CCT4: variants seen among roughly 807,000 people sequenced by gnomAD.
CCT4 encodes T-complex protein 1 subunit delta.
In CCT4, 17 loss-of-function variants were observed where a neutral mutation model predicts 62.5. The observed-to-expected ratio is 0.27, with a 90% CI of 0.19 to 0.41. The LOEUF (loss-of-function observed/expected upper bound fraction) is 0.41. CCT4 is among the 10% of genes least tolerant of loss of function. The pLI is 1.00. For missense variants in CCT4, 592 were observed against 659.2 expected (o/e 0.90, Z 1.12); for synonymous variants, 250 against 229.9 (o/e 1.09, Z -0.79).
rs762811515 is a variant in CCT4 at position 61,878,958 on chromosome 2, T to C, written c.433A>G (p.Ile145Val). ...ESFQKALEKG[I>V]EILTDMSRPV... ...CGAGACATGTCAGTCAAGATTTCAA[T>C]GCCCTTTTCCAGGGCCTTCTGGAAT... The change falls in exon 5 of 14, where the codon ATT (isoleucine) becomes GTT (valine). Residue 145 changes from isoleucine (I) to valine (V), a missense_variant. Around this residue, in one of 3 missense-constraint regions of CCT4, gnomAD observed 522 missense variants for 571.2 expected, o/e 0.91. Coordinates refer to ENST00000394440, the MANE Select transcript of CCT4 (RefSeq NM_006430.4). 34 of 1,610,934 alleles carry C rather than the reference T, an allele frequency of 2.1e-5. No homozygotes were observed. The Admixed American group carries it at 5.1e-4, about 24-fold the overall frequency.
intron 3 of CCT4, among the ~76,000 whole-genome samples, chr2:61,881,511 CCA>C (rs1489018082): frequency 6.6e-6 from 1 of 151,906 alleles, no homozygotes; most frequent in Non-Finnish European, 1.5e-5. Flanking sequence ...CTCAATAGTA[CCA>C]CATACTATTT....
rs1256074833 is a variant in CCT4, at chr2:61,869,584, A to G, written c.1492-31T>C. 5 of 1,257,446 alleles carry G rather than the reference A, an allele frequency of 4.0e-6. No individual in the cohort carries two copies. The East Asian group carries it at 6.9e-5, about 17-fold the overall frequency. The allele number at this position is 1,257,446 out of a possible 1,614,324, so 77.9% of individuals were successfully genotyped here. A position where few individuals can be genotyped will look rare whatever the true frequency, so the allele number is the denominator to read the frequency against. On this transcript the variant is annotated intron_variant, in intron 12 of 13. Transcript: ENST00000394440. Reference sequence around the variant, plus strand: ...AATCAAATCAGCACAAGTTGCTTTTAGTGTCTGTGATAATACACATCAGCA... The same window carrying G: ...AATCAAATCAGCACAAGTTGCTTTTGGTGTCTGTGATAATACACATCAGCA...
chr2:61,881,117 A>C (rs1669101648), intron 3 of CCT4, among the ~76,000 whole-genome samples: 1 of 152,138 alleles, frequency 6.6e-6, no homozygotes, highest in Non-Finnish European at 1.5e-5. Flanking sequence ...TCTTTTCATA[A>C]CTGGTGGATG....
intron 6 of CCT4, 127 bp downstream of exon 6, chr2:61,877,266 C>T (rs933263055): frequency 4.2e-5 from 44 of 1,052,196 alleles, no homozygotes; most frequent in South Asian, 3.9e-4. Context: ...AATACAAATT[C>T]TCACGAAAAC....
At position 61,885,092 on chromosome 2, in the gene CCT4, A is replaced by AG. The variant is rs747251201; in HGVS notation, c.128-21_128-20insC. 3 of 1,523,794 alleles carry AG rather than the reference A, an allele frequency of 2.0e-6. No homozygotes were observed. The highest frequency in any genetic ancestry group is 2.6e-5 in the South Asian group (2 of 77,470). The allele number at this position is 1,523,794 out of a possible 1,614,324, so 94.4% of individuals were successfully genotyped here. ...CAACCGCTGCAGATGGGGGGGAAAA[A>AG]AAAGAAAACAAATTAGAACTTTTTT... is the stretch of plus-strand genomic sequence containing the variant. On this transcript the variant is annotated intron_variant, in intron 1 of 13. Coordinates refer to ENST00000394440, the MANE Select transcript of CCT4 (RefSeq NM_006430.4).
At chr2:61,871,871 G>A (rs1029444513) in intron 12 of CCT4, among the ~76,000 whole-genome samples, 3 of 152,144 alleles carry the variant, frequency 2.0e-5, no homozygotes, top group Admixed American at 2.0e-4. Context: ...GTCAGTAAGT[G>A]GCAGATTTAA....
chr2:61,888,450 C>G lies in CCT4; in HGVS notation c.58G>C (p.Gly20Arg), dbSNP rs1270751618. ...TCGCGGTCCTGATAGGCGCCTTTCC[C>G]GCGGCCGCCGGCAGCCCCGGCAGTC... ...GATAGAAGGR[G>R]KGAYQDRDKP... The change falls in exon 1 of 14, where the codon GGG becomes CGG. Residue 20 changes from glycine to arginine, a missense_variant. Gly to Arg is a moderately radical substitution (Grantham distance 125, BLOSUM62 -2). Around this residue, in one of 3 missense-constraint regions of CCT4, gnomAD observed 67 missense variants for 71.1 expected, o/e 0.94. Transcript: ENST00000394440. 1 of 1,611,272 alleles carries G rather than the reference C, an allele frequency of 6.2e-7. No homozygotes were observed. Among genetic ancestry groups the G allele is most frequent in the South Asian group, 1.1e-5 (1 of 90,840 alleles).
chr2:61,881,883 T>A (rs949731550), intron 3 of CCT4, among the ~76,000 whole-genome samples: 31 of 149,058 alleles, frequency 2.1e-4, no homozygotes, highest in South Asian at 1.1e-3. Context: ...AAAAAAAAAA[T>A]TTTTTAAAAG....
chr2:61,885,728 C>T (rs2105142820), intron 1 of CCT4: 1 of 137,646 alleles, frequency 7.3e-6, no homozygotes, highest in East Asian at 2.1e-4. Context: ...TTGTAATCAG[C>T]TTATGGCAGA....
At position 61,888,364 on chromosome 2, in the gene CCT4, G is replaced by A. The variant is rs899126062; in HGVS notation, c.127+17C>T. 4.3e-6 allele frequency: 7 copies of A among 1,611,246 alleles called. No homozygotes were observed. Among genetic ancestry groups the A allele is most frequent in the African/African-American group, 1.3e-5 (1 of 74,796 alleles). On this transcript the variant is annotated intron_variant, in intron 1 of 13. Transcript: ENST00000394440. ...CACAACCCCGCGGCGCCGCGGGTCA[G>A]GCCATGAGAGTGATACCTTTGGCGG...
Position 61,888,593 on chromosome 2 carries a change from T to G in CCT4, c.-86A>C. 1 of 1,451,458 alleles carries G rather than the reference T, an allele frequency of 6.9e-7. No homozygotes were observed. 89.9% of individuals were successfully genotyped at this position (1,451,458 alleles called of 1,614,324 possible). Reference sequence around the variant, plus strand: ...GCCGCAGTGTAATAACGGTAAGCCCTCACTGCCTTCACGAACCTTCCAGAA... The same window carrying G: ...GCCGCAGTGTAATAACGGTAAGCCCGCACTGCCTTCACGAACCTTCCAGAA... On this transcript the variant is annotated 5_prime_UTR_variant, in exon 1 of 14. Transcript: ENST00000394440.
intron 2 of CCT4, among the ~76,000 whole-genome samples, chr2:61,884,345 C>T (rs753050995): frequency 1.3e-5 from 2 of 152,116 alleles, no homozygotes; most frequent in Non-Finnish European, 2.9e-5. Flanking sequence ...GCTCCATTGC[C>T]CAGGCTGGAG....
rs1358996684 is a variant in CCT4, at chr2:61,872,600, A to G, written c.1126-12T>C. ...GCACAGCCTGTAATCTTCAGTAAAC[A>G]AATTCCAAATTAAGTATTTGAAGGG... On this transcript the variant is annotated splice_polypyrimidine_tract_variant and intron_variant, in intron 10 of 13. Transcript: ENST00000394440. The G allele has an allele frequency of 1.9e-6, 3 of 1,613,000 alleles. No homozygotes were observed. The highest frequency in any genetic ancestry group is 2.5e-6 in the Non-Finnish European group (3 of 1,179,734).
chr2:61,871,839 C>T (rs1430273875), intron 12 of CCT4, among the ~76,000 whole-genome samples: 1 of 152,172 alleles, frequency 6.6e-6, no homozygotes, highest in East Asian at 1.9e-4. Context: ...GAGGAACAGA[C>T]TAAGTAACTT....
rs1403544522 is a variant in CCT4, at chr2:61,888,630, C to G, written c.-123G>C. On this transcript the variant is annotated 5_prime_UTR_variant, in exon 1 of 14. Coordinates refer to ENST00000394440, the MANE Select transcript of CCT4 (RefSeq NM_006430.4). ...CGAACCTTCCAGAAAGCGGCGCCGGCGTCGGGAGGAGGCGGAGGCGGAGAA... is the reference window on the plus strand; with the variant it reads ...CGAACCTTCCAGAAAGCGGCGCCGGGGTCGGGAGGAGGCGGAGGCGGAGAA... 1.2e-5 allele frequency: 15 copies of G among 1,227,050 alleles called. No individual in the cohort carries two copies. Among genetic ancestry groups the G allele is most frequent in the Non-Finnish European group, 1.6e-5 (15 of 911,274 alleles). The allele number at this position is 1,227,050 out of a possible 1,614,324, so 76.0% of individuals were successfully genotyped here.
At position 61,877,980 on chromosome 2, in the gene CCT4, G is replaced by A. The variant is rs1178170473; in HGVS notation, c.523-466C>T. On this transcript the variant is annotated intron_variant, in intron 5 of 13. Transcript: ENST00000394440. ...CATTCAATCTTCAGATGGAGAAACT[G>A]AAGCCAAGAGGTTAAGTCATTTGGC... Among the ~76,000 whole-genome samples, 7 of 152,160 alleles carry A rather than the reference G, an allele frequency of 4.6e-5. No individual in the cohort carries two copies. The East Asian group carries it at 1.3e-3, about 29-fold the overall frequency.
rs374418714 is a variant in CCT4, at chr2:61,876,977, T to C, written c.720A>G (p.Arg240=). 170 of 1,613,848 alleles carry C rather than the reference T, an allele frequency of 1.1e-4. No homozygotes were observed. Among genetic ancestry groups the C allele is most frequent in the Non-Finnish European group, 1.4e-4 (164 of 1,179,858 alleles). Residue 240 remains arginine (R), a synonymous_variant, in exon 7 of 14, where the codon AGA becomes AGG. Transcript: ENST00000394440. Reference sequence around the variant, plus strand: ...TAAGCCCAATCTTGGCCTTTTCAACTCTGGTTATGCCAGAATTTGACACTT... The same window carrying C: ...TAAGCCCAATCTTGGCCTTTTCAACCCTGGTTATGCCAGAATTTGACACTT... ...TQKVSNSGIT[R]VEKAKIGLIQ...
intron 10 of CCT4, 141 bp downstream of exon 10, chr2:61,872,861 A>C: frequency 1.5e-6 from 1 of 689,430 alleles, no homozygotes; most frequent in Non-Finnish European, 2.6e-6. Flanking sequence ...CGGGAGGCGG[A>C]GCTTGTAGTG....
chr2:61,888,460 G>A lies in CCT4; in HGVS notation c.48C>T (p.Ala16=), dbSNP rs776302850. The stretch of plus-strand genomic sequence containing the variant: ...GATAGGCGCCTTTCCCGCGGCCGCC[G>A]GCAGCCCCGGCAGTCGCCCCGCTCC... ...APRSGATAGA[A]GGRGKGAYQD... Residue 16 remains alanine, a synonymous_variant, in exon 1 of 14, where the codon GCC becomes GCT. Transcript: ENST00000394440. 1 of 1,611,540 alleles carries A rather than the reference G, an allele frequency of 6.2e-7. No homozygotes were observed. Among genetic ancestry groups the A allele is most frequent in the East Asian group, 2.2e-5 (1 of 44,834 alleles).
Sources: gnomAD v4.1 joint callset for allele counts (sites outside exome capture counted in the v4.1 genomes callset) on GRCh38, gnomAD v4.1.1 for gene constraint, gnomAD v4.1.1 regional missense constraint, MANE v1.5 for transcripts, NCBI Gene and HGNC (gene_info 2026-07-23, HGNC 2026-07-21) for gene names.